The following MAEA variants were observed in gnomAD, a reference collection of about 807,000 sequenced individuals.
MAEA encodes E3 ubiquitin-protein transferase MAEA.
Under a neutral mutation model 46.2 loss-of-function variants are expected in MAEA, and 22 were observed. That is an observed-to-expected ratio of 0.48 (90% CI 0.34 to 0.68). MAEA has a LOEUF of 0.68. MAEA is among the 30% of genes least tolerant of loss of function. The pLI is 0.01. For synonymous variants in MAEA, 246 were observed against 222.6 expected, an observed-to-expected ratio of 1.11 and a Z score of -0.94; for missense variants, 393 against 558.1, an observed-to-expected ratio of 0.70 and a Z score of 2.98.
At chr4:1,330,974 A>G (rs1283276719) in intron 5 of MAEA, 3 of 152,156 alleles carry the variant, frequency 2.0e-5, no homozygotes, top group African/African-American at 7.2e-5. Context: ...AAACCAGGTC[A>G]TGCAAATGAG....
chr4:1,331,695 G>C (rs1159161713), intron 5 of MAEA: 2 of 152,294 alleles, frequency 1.3e-5, no homozygotes, highest in African/African-American at 2.4e-5. Context: ...GTGCACAGGG[G>C]CCCGTGTGAG....
chr4:1,322,956 T>C (rs1367409732), intron 4 of MAEA, among the ~76,000 whole-genome samples: 3 of 140,120 alleles, frequency 2.1e-5, no homozygotes, highest in Non-Finnish European at 4.6e-5. Flanking sequence ...TTTTTTTTTT[T>C]TTTTTTTTTT....
chr4:1,316,414 A>G (rs1326681146), intron 3 of MAEA, among the ~76,000 whole-genome samples: 1 of 151,830 alleles, frequency 6.6e-6, no homozygotes, highest in Non-Finnish European at 1.5e-5. Context: ...GTGGGAGCAC[A>G]GCCTCACCTG....
intron 6 of MAEA, among the ~76,000 whole-genome samples, chr4:1,334,144 TCACCCCTGCATC>T (rs1164154972): frequency 3.6e-5 from 2 of 54,896 alleles, no homozygotes; most frequent in Admixed American, 4.2e-4. Context: ...CACCATGTGC[TCACCCCTGCATC>T]CACCCCCATG....
chr4:1,289,923 C>T lies in MAEA; in HGVS notation c.10C>T (p.Gln4Ter), dbSNP rs1692168578. MAV[Q>*]ESAAQLSMTL... Reference sequence around the variant, plus strand: ...TTTTGGCCGCTTCAAGATGGCGGTGCAGGAGTCGGCGGCTCAGTTGTCCAT... The same window carrying T: ...TTTTGGCCGCTTCAAGATGGCGGTGTAGGAGTCGGCGGCTCAGTTGTCCAT... Residue 4 changes from glutamine to a stop codon, truncating the protein, a stop_gained, in exon 1 of 9, where the codon CAG becomes TAG. Coordinates refer to ENST00000303400, the MANE Select transcript of MAEA (RefSeq NM_001017405.3). LOFTEE classifies it high-confidence loss of function. The T allele has an allele frequency of 1.9e-6, 3 of 1,600,126 alleles. No individual in the cohort carries two copies. The highest frequency in any genetic ancestry group is 2.6e-6 in the Non-Finnish European group (3 of 1,172,868).
At position 1,289,906 on chromosome 4, in the gene MAEA, G is replaced by A. The variant is rs759208394; in HGVS notation, c.-8G>A. ...TCCCCCGCCCGCTAATGTTTTGGCC[G>A]CTTCAAGATGGCGGTGCAGGAGTCG... On this transcript the variant is annotated 5_prime_UTR_variant, in exon 1 of 9. Coordinates refer to ENST00000303400, the MANE Select transcript of MAEA (RefSeq NM_001017405.3). The A allele has an allele frequency of 1.9e-6, 3 of 1,594,790 alleles. No homozygotes were observed. The highest frequency in any genetic ancestry group is 1.7e-5 in the Admixed American group (1 of 58,846).
rs529717205 is a variant in MAEA at position 1,313,181 on chromosome 4, G to A, written c.252+1020G>A. Among the ~76,000 whole-genome samples the A allele has an allele frequency of 3.9e-5, 6 of 152,364 alleles. No individual in the cohort carries two copies. The South Asian group carries it at 1.0e-3, about 26-fold the overall frequency. ...GCCTTCACTCCGGTGAGGTGGTCCCGGCTGGTGGTGCCTTCCAGCTCCGGG... is the reference window on the plus strand; with the variant it reads ...GCCTTCACTCCGGTGAGGTGGTCCCAGCTGGTGGTGCCTTCCAGCTCCGGG... On this transcript the variant is annotated intron_variant, in intron 2 of 8. Coordinates refer to ENST00000303400, the MANE Select transcript of MAEA (RefSeq NM_001017405.3).
intron 5 of MAEA, 111 bp downstream of exon 5, chr4:1,327,814 C>T: frequency 2.4e-6 from 2 of 825,464 alleles, no homozygotes; most frequent in East Asian, 3.0e-5. Flanking sequence ...TGGGTCGTCC[C>T]CTGGGTCTTG....
At chr4:1,309,790 C>G (rs908004854) in intron 1 of MAEA, 4 of 1,421,966 alleles carry the variant, frequency 2.8e-6, no homozygotes, top group Non-Finnish European at 3.7e-6. Context: ...TTTTCCCTTG[C>G]ACTGGGAGCA....
chr4:1,321,161 A>G (rs1019001785), intron 3 of MAEA, among the ~76,000 whole-genome samples: 1 of 151,866 alleles, frequency 6.6e-6, no homozygotes, highest in African/African-American at 2.4e-5. Flanking sequence ...GAAAAGAATA[A>G]TCAACATGCA....
At chr4:1,315,850 G>A (rs1476841179) in intron 3 of MAEA, among the ~76,000 whole-genome samples, 1 of 76,656 alleles carries the variant, frequency 1.3e-5, no homozygotes. Context: ...CCCTGTGTGC[G>A]TGTGTCCCCT....
intron 1 of MAEA, among the ~76,000 whole-genome samples, chr4:1,294,986 G>T (rs1286485397): frequency 6.6e-6 from 1 of 152,180 alleles, no homozygotes; most frequent in Non-Finnish European, 1.5e-5. Flanking sequence ...GGGTGATGTG[G>T]CTGGGGGTGT....
At chr4:1,326,869 C>T (rs1052951121) in intron 4 of MAEA, among the ~76,000 whole-genome samples, 7 of 152,248 alleles carry the variant, frequency 4.6e-5, no homozygotes, top group Non-Finnish European at 7.3e-5. Flanking sequence ...GTCCCCCGTC[C>T]ATAACCTCGG....
At chr4:1,315,153 T>TA (rs1736969585) in intron 2 of MAEA, among the ~76,000 whole-genome samples, 1 of 152,190 alleles carries the variant, frequency 6.6e-6, no homozygotes, top group African/African-American at 2.4e-5. Context: ...GGTATATTAA[T>TA]ATAAAGCCAG....
chr4:1,300,563 G>A (rs1288642341), intron 1 of MAEA, among the ~76,000 whole-genome samples: 6 of 152,284 alleles, frequency 3.9e-5, no homozygotes, highest in Admixed American at 3.9e-4. Flanking sequence ...TGGACCGCGT[G>A]GGGCACGGCC....
intron 7 of MAEA, 139 bp from the exon 8 acceptor site, chr4:1,338,283 C>G: frequency 1.6e-6 from 1 of 638,178 alleles, no homozygotes; most frequent in Non-Finnish European, 2.7e-6. Flanking sequence ...TCCTGTGCCT[C>G]GAAAGACAGC....
intron 1 of MAEA, among the ~76,000 whole-genome samples, chr4:1,301,118 TG>T (rs1735278640): frequency 6.6e-6 from 1 of 152,234 alleles, no homozygotes; most frequent in Non-Finnish European, 1.5e-5. Flanking sequence ...CCTCATGCAT[TG>T]GGGAAATTCT....
At chr4:1,321,739 A>G (rs906914198) in intron 3 of MAEA, among the ~76,000 whole-genome samples, 2 of 152,044 alleles carry the variant, frequency 1.3e-5, no homozygotes, top group African/African-American at 4.8e-5. Flanking sequence ...TGCCTGGTGG[A>G]GTCCCGTACC....
intron 1 of MAEA, among the ~76,000 whole-genome samples, chr4:1,309,250 T>C (rs968725368): frequency 6.6e-6 from 1 of 152,238 alleles, no homozygotes; most frequent in African/African-American, 2.4e-5. Flanking sequence ...TCCTCATTCT[T>C]GAGTGATAAT....
Sources: allele counts gnomAD v4.1 joint callset (sites outside exome capture counted in the v4.1 genomes callset), GRCh38; gene constraint gnomAD v4.1.1; transcripts MANE v1.5; gene names NCBI Gene and HGNC (gene_info 2026-07-23, HGNC 2026-07-21).